Variants in DOCK2 observed in about 807,000 individuals in gnomAD.
DOCK2 encodes dedicator of cytokinesis 2.
Under a neutral mutation model 248.9 loss-of-function variants are expected in DOCK2, and 87 were observed. The observed-to-expected ratio is 0.35, with a 90% CI of 0.29 to 0.42. The LOEUF (loss-of-function observed/expected upper bound fraction) is 0.42, where lower values mean the gene tolerates loss of function less well. Ranked by LOEUF, DOCK2 falls within the 10% of genes least tolerant of loss-of-function variation. The pLI is 1.00. For missense variants in DOCK2, 1,747 were observed against 2,300.2 expected (o/e 0.76, Z 4.92); for synonymous variants, 805 against 821.6 (o/e 0.98, Z 0.35).
intron 20 of DOCK2, 129 bp downstream of exon 20, chr5:169,716,431 T>A: frequency 1.1e-6 from 1 of 871,672 alleles, no homozygotes; most frequent in Non-Finnish European, 1.8e-6. Flanking sequence ...GGTGTTGTAA[T>A]GTTTGGCAAC....
intron 27 of DOCK2, among the ~76,000 whole-genome samples, chr5:169,950,942 T>C (rs1296111806): frequency 2.6e-5 from 4 of 152,190 alleles, no homozygotes; most frequent in African/African-American, 9.7e-5. Context: ...AATTATAAAA[T>C]TAATTTGAAT....
At chr5:169,953,442 T>G (rs1776748082) in intron 27 of DOCK2, among the ~76,000 whole-genome samples, 2 of 152,104 alleles carry the variant, frequency 1.3e-5, no homozygotes, top group African/African-American at 4.8e-5. Context: ...GTGGGCAAAT[T>G]GTTTCAGATC....
Position 169,699,415 on chromosome 5 carries a change from G to C in DOCK2, c.1089G>C (p.Leu363=), listed in dbSNP as rs556981264. 1 of 1,613,360 alleles carries C rather than the reference G, an allele frequency of 6.2e-7. No homozygotes were observed. Among genetic ancestry groups the C allele is most frequent in the Admixed American group, 1.7e-5 (1 of 59,978 alleles). The part of the protein sequence containing the change: ...VTAENDFLHS[L]LGKVIASKGD... ...CTGAGAATGACTTCCTACACAGCCT[G>C]CTGGGCAAAGTCATAGCCTCCAAGG... Residue 363 remains leucine (L), a synonymous_variant, in exon 12 of 52, where the codon CTG becomes CTC. Transcript: ENST00000520908.
intron 26 of DOCK2, among the ~76,000 whole-genome samples, chr5:169,820,489 T>A (rs1768361420): frequency 6.6e-6 from 1 of 152,242 alleles, no homozygotes; most frequent in African/African-American, 2.4e-5. Context: ...CAGCCTCTGC[T>A]GCTGGTACCC....
Position 170,079,264 on chromosome 5 carries a change from T to C in DOCK2, c.5166+118T>C, listed in dbSNP as rs1581580559. On this transcript the variant is annotated intron_variant, in intron 49 of 51. Coordinates refer to ENST00000520908, the MANE Select transcript of DOCK2 (RefSeq NM_004946.3). ...CCTGAAGCCTGCCACTGCGGTGCTA[T>C]GGGTATTGCAGAGGCGGCACCTGAG... 4.4e-6 allele frequency: 6 copies of C among 1,368,766 alleles called. No homozygotes were observed. The East Asian group carries it at 1.5e-4, about 35-fold the overall frequency. The allele number at this position is 1,368,766 out of a possible 1,614,324, so 84.8% of individuals were successfully genotyped here.
chr5:169,772,748 G>A (rs1452539922), intron 25 of DOCK2, among the ~76,000 whole-genome samples: 2 of 152,094 alleles, frequency 1.3e-5, no homozygotes, highest in African/African-American at 4.8e-5. Context: ...TCTTCCCATT[G>A]AAAAATATTC....
chr5:170,007,956 A>C (rs956456078), intron 30 of DOCK2, among the ~76,000 whole-genome samples: 1 of 152,194 alleles, frequency 6.6e-6, no homozygotes, highest in Non-Finnish European at 1.5e-5. Context: ...TGGCAACCAC[A>C]CTTTGAAACT....
At chr5:169,917,424 T>C (rs1774934220) in intron 27 of DOCK2, among the ~76,000 whole-genome samples, 1 of 152,214 alleles carries the variant, frequency 6.6e-6, no homozygotes, top group African/African-American at 2.4e-5. Flanking sequence ...AGAGTTTCCT[T>C]TGGTGCAAAG....
At position 170,076,834 on chromosome 5, in the gene DOCK2, T is replaced by C. The variant is rs144139445; in HGVS notation, c.4866+750T>C. Among the ~76,000 whole-genome samples, 211 of 152,306 alleles carry C rather than the reference T, an allele frequency of 1.4e-3. 2 individuals carry two copies. The highest frequency in any genetic ancestry group is 4.9e-3 in the African/African-American group (202 of 41,556). On this transcript the variant is annotated intron_variant, in intron 47 of 51. Transcript: ENST00000520908. ...GCAGTTTGTCACTTTCAATACTCCC[T>C]ACATGAAGTCCCTGTAATGCAATTC...
At chr5:169,910,494 C>T (rs956384806) in intron 27 of DOCK2, among the ~76,000 whole-genome samples, 9 of 152,142 alleles carry the variant, frequency 5.9e-5, no homozygotes, top group Non-Finnish European at 1.2e-4. Flanking sequence ...GGCGTGCTTA[C>T]CTTTTCTCAG....
At chr5:169,740,635 T>C (rs1763258339) in intron 22 of DOCK2, among the ~76,000 whole-genome samples, 2 of 152,222 alleles carry the variant, frequency 1.3e-5, no homozygotes, top group African/African-American at 4.8e-5. Flanking sequence ...TTCAATGAAG[T>C]AAAGCCTGCA....
chr5:170,050,262 G>A lies in DOCK2; in HGVS notation c.4078G>A (p.Val1360Met), dbSNP rs137922056. ...QGFPSFLRNK[V>M]FIYRGKEYER... ...GAGCATCCTTTCTCTGCAGAACAAA[G>A]TGTTCATCTACCGCGGGAAGGAATA... The change falls in exon 41 of 52, where the codon GTG becomes ATG. Residue 1360 changes from valine (V) to methionine (M), a missense_variant. Val to Met is a conservative substitution (Grantham distance 21). Around this residue, in one of 4 missense-constraint regions of DOCK2, gnomAD observed 858 missense variants for 1,183.5 expected, o/e 0.72. Coordinates refer to ENST00000520908, the MANE Select transcript of DOCK2 (RefSeq NM_004946.3). The A allele has an allele frequency of 7.7e-5, 124 of 1,613,898 alleles. No homozygotes were observed. The highest frequency in any genetic ancestry group is 2.3e-4 in the African/African-American group (17 of 74,928).
intron 27 of DOCK2, among the ~76,000 whole-genome samples, chr5:169,870,509 A>G (rs1354914679): frequency 6.6e-6 from 1 of 152,124 alleles, no homozygotes; most frequent in Admixed American, 6.5e-5. Context: ...GAAAGAAATA[A>G]CAGAAGCCTC....
At chr5:170,078,259 C>T (rs904342374) in intron 48 of DOCK2, among the ~76,000 whole-genome samples, 5 of 152,190 alleles carry the variant, frequency 3.3e-5, no homozygotes, top group African/African-American at 1.2e-4. Flanking sequence ...ACCACCTACC[C>T]ACCCCTCTGT....
At chr5:169,892,603 T>G (rs1042894065) in intron 27 of DOCK2, among the ~76,000 whole-genome samples, 1 of 152,134 alleles carries the variant, frequency 6.6e-6, no homozygotes, top group Admixed American at 6.5e-5. Flanking sequence ...CTAATGCTAT[T>G]TTTTTCTACC....
intron 46 of DOCK2, among the ~76,000 whole-genome samples, chr5:170,070,180 C>T (rs1220932860): frequency 5.9e-5 from 9 of 152,216 alleles, no homozygotes; most frequent in Non-Finnish European, 1.3e-4. Flanking sequence ...CAGGAGCTGG[C>T]GGGAGGTGAG....
intron 26 of DOCK2, among the ~76,000 whole-genome samples, chr5:169,803,687 A>C (rs1767137137): frequency 6.6e-6 from 1 of 152,090 alleles, no homozygotes; most frequent in Admixed American, 6.5e-5. Context: ...TAGGGTGTGG[A>C]GTAGGATGGT....
At chr5:170,074,073 A>G (rs1477696666) in intron 46 of DOCK2, among the ~76,000 whole-genome samples, 1 of 152,180 alleles carries the variant, frequency 6.6e-6, no homozygotes, top group Admixed American at 6.5e-5. Flanking sequence ...AACTAAAGCC[A>G]TAAATGTATC....
At chr5:169,740,722 A>G (rs763749367) in intron 22 of DOCK2, among the ~76,000 whole-genome samples, 3 of 152,220 alleles carry the variant, frequency 2.0e-5, no homozygotes, top group Non-Finnish European at 2.9e-5. Context: ...CGTTCCTTAC[A>G]TATTCTGTTT....
Sources: gnomAD v4.1 joint callset for allele counts (sites outside exome capture counted in the v4.1 genomes callset) on GRCh38, gnomAD v4.1.1 for gene constraint, gnomAD v4.1.1 regional missense constraint, MANE v1.5 for transcripts, NCBI Gene and HGNC (gene_info 2026-07-23, HGNC 2026-07-21) for gene names.